The following ILDR1 variants were observed in gnomAD, a reference collection of about 807,000 sequenced individuals.
ILDR1 encodes the protein immunoglobulin like domain containing receptor 1, also known as immunoglobulin-like domain-containing receptor 1.
ILDR1 carries 56 observed loss-of-function variants against 62.4 expected under a neutral mutation model. The observed-to-expected ratio is 0.90, with a 90% CI of 0.72 to 1.12. ILDR1 has a LOEUF of 1.12. ILDR1 is among the 50% of genes most tolerant of loss of function. The pLI, the probability that ILDR1 is intolerant of heterozygous loss-of-function variation, is 0.00. For synonymous variants in ILDR1, 284 were observed against 277.8 expected, an observed-to-expected ratio of 1.02 and a Z score of -0.22; for missense variants, 736 against 710.6, an observed-to-expected ratio of 1.04 and a Z score of -0.41.
At chr3:122,038,925 T>C in the ILDR1 span, among the ~76,000 whole-genome samples, 1 of 152,140 alleles carries the variant, frequency 6.6e-6, no homozygotes, top group Non-Finnish European at 1.5e-5. Context: ...ACATTATGTG[T>C]AGCAAAATAT....
At chr3:122,023,554 A>G (rs945429824), upstream of ILDR1, among the ~76,000 whole-genome samples, 5 of 152,100 alleles carry the variant, frequency 3.3e-5, no homozygotes, top group South Asian at 4.2e-4. Context: ...TGCGTTGCTG[A>G]TATCTTTCAT....
At chr3:122,048,572 G>A in the ILDR1 span, among the ~76,000 whole-genome samples, 93 of 152,118 alleles carry the variant, frequency 6.1e-4, no homozygotes, top group Non-Finnish European at 1.2e-3. Flanking sequence ...TCTTTAATGG[G>A]AAGCTTTTGA....
rs759427978 is a variant in ILDR1, at chr3:121,994,273, T to C, written c.687A>G (p.Leu229=). The C allele has an allele frequency of 8.5e-6, 13 of 1,535,916 alleles. No individual in the cohort carries two copies. Among genetic ancestry groups the C allele is most frequent in the East Asian group, 2.4e-5 (1 of 40,922 alleles). Residue 229 remains leucine, a synonymous_variant, in exon 6 of 8, where the codon CTA becomes CTG. Coordinates refer to ENST00000344209, the MANE Select transcript of ILDR1 (RefSeq NM_001199799.2). ...GGGGTTTTCCCATCATCTGAGGACC[T>C]AGGGCCTGGGCCTGCTTCATGTAGC... is the stretch of plus-strand genomic sequence containing the variant. The part of the protein sequence containing the change: ...RHRYMKQAQA[L]GPQMMGKPLY...
chr3:122,049,405 T>A, the ILDR1 span, among the ~76,000 whole-genome samples: 2 of 152,244 alleles, frequency 1.3e-5, no homozygotes, highest in Non-Finnish European at 2.9e-5. Context: ...GTCTATAGTG[T>A]CGATCAAGCC....
At chr3:122,041,261 C>G in the ILDR1 span, among the ~76,000 whole-genome samples, 2 of 152,190 alleles carry the variant, frequency 1.3e-5, no homozygotes, top group Non-Finnish European at 2.9e-5. Flanking sequence ...GACTCCCTCC[C>G]TTATGAATGG....
the ILDR1 span, among the ~76,000 whole-genome samples, chr3:122,036,773 CA>C: frequency 6.6e-6 from 1 of 152,160 alleles, no homozygotes; most frequent in African/African-American, 2.4e-5. Flanking sequence ...TAGGGCATTT[CA>C]GAGACTTTCA....
At chr3:122,050,198 A>AT in the ILDR1 span, among the ~76,000 whole-genome samples, 1 of 152,088 alleles carries the variant, frequency 6.6e-6, no homozygotes, top group Non-Finnish European at 1.5e-5. Context: ...GTTGGATCTT[A>AT]TTTTTTTAAA....
chr3:122,010,421 T>C (rs2071686926), intron 1 of ILDR1, among the ~76,000 whole-genome samples: 2 of 152,078 alleles, frequency 1.3e-5, no homozygotes, highest in African/African-American at 4.8e-5. Flanking sequence ...AAAAAATATA[T>C]ATCATTTTAA....
At chr3:122,032,820 A>C in the ILDR1 span, among the ~76,000 whole-genome samples, 1 of 152,228 alleles carries the variant, frequency 6.6e-6, no homozygotes. Flanking sequence ...ATTTCTGCCA[A>C]TAATCAAGGG....
At chr3:121,994,846 T>G (rs1362197857) in intron 5 of ILDR1, among the ~76,000 whole-genome samples, 1 of 152,154 alleles carries the variant, frequency 6.6e-6, no homozygotes, top group Admixed American at 6.5e-5. Context: ...CTAGCTGGCA[T>G]GCCAACCCTG....
chr3:122,033,823 C>A, the ILDR1 span, among the ~76,000 whole-genome samples: 2 of 152,170 alleles, frequency 1.3e-5, no homozygotes, highest in East Asian at 3.8e-4. Context: ...ATTCTGGATT[C>A]TCTTCCATTG....
At chr3:122,007,320 G>A in intron 1 of ILDR1, 159 bp from the exon 2 acceptor site, 1 of 1,514,328 alleles carries the variant, frequency 6.6e-7, no homozygotes, top group Non-Finnish European at 8.9e-7. Context: ...GGCAGGCTAT[G>A]GGTGGGGTGG....
the ILDR1 span, among the ~76,000 whole-genome samples, chr3:122,029,509 A>ATATATATAT: frequency 1.9e-4 from 22 of 113,532 alleles, no homozygotes; most frequent in African/African-American, 7.7e-4. Context: ...CCGTCTAAAA[A>ATATATATAT]AAATATATAT....
At chr3:122,059,459 C>T in the ILDR1 span, among the ~76,000 whole-genome samples, 1 of 151,608 alleles carries the variant, frequency 6.6e-6, no homozygotes, top group Non-Finnish European at 1.5e-5. Context: ...TAGCTTGAAC[C>T]CAGGAGGCAG....
chr3:122,050,591 T>G, the ILDR1 span, among the ~76,000 whole-genome samples: 2 of 146,442 alleles, frequency 1.4e-5, no homozygotes, highest in South Asian at 2.3e-4. Flanking sequence ...TTTTTAATAA[T>G]GTACAGCCAT....
chr3:122,048,500 T>C, the ILDR1 span, among the ~76,000 whole-genome samples: 1 of 152,254 alleles, frequency 6.6e-6, no homozygotes, highest in Non-Finnish European at 1.5e-5. Context: ...GAAGGATTAG[T>C]GTTAATTCTT....
Position 121,993,214 on chromosome 3 carries a change from T to C in ILDR1, c.1535A>G (p.Tyr512Cys), listed in dbSNP as rs1316614644. The C allele has an allele frequency of 1.2e-6, 2 of 1,613,876 alleles. No individual in the cohort carries two copies. The highest frequency in any genetic ancestry group is 3.3e-5 in the Admixed American group (2 of 59,992). ...PHWPEEKPPS[Y>C]RSLDITPGKN... is the part of the protein sequence containing the mutation. ...GCCTGGAGTGATATCAAGTGAGCGG[T>C]AGCTAGGCGGCTTCTCCTCGGGCCA... is the stretch of plus-strand genomic sequence containing the variant. Residue 512 changes from tyrosine to cysteine, a missense_variant, in exon 7 of 8, where the codon TAC becomes TGC. By Grantham distance (194) the Tyr-to-Cys change is radical. Transcript: ENST00000344209.
At chr3:122,048,730 C>G in the ILDR1 span, among the ~76,000 whole-genome samples, 1 of 152,156 alleles carries the variant, frequency 6.6e-6, no homozygotes, top group African/African-American at 2.4e-5. Flanking sequence ...ACAGCAGTCT[C>G]TTACAATATT....
upstream of ILDR1, among the ~76,000 whole-genome samples, chr3:122,025,900 A>G (rs976384145): frequency 1.3e-5 from 2 of 152,220 alleles, no homozygotes; most frequent in African/African-American, 4.8e-5. Flanking sequence ...TATCTGAAAT[A>G]TAGATATACT....
Sources: allele counts gnomAD v4.1 joint callset (sites outside exome capture counted in the v4.1 genomes callset), GRCh38; gene constraint gnomAD v4.1.1; transcripts MANE v1.5; gene names NCBI Gene and HGNC (gene_info 2026-07-23, HGNC 2026-07-21).